Variants in EIF3B observed in about 807,000 individuals in gnomAD.
EIF3B encodes the protein eukaryotic translation initiation factor 3 subunit 9.
Under a neutral mutation model 104.6 loss-of-function variants are expected in EIF3B, and 10 were observed. The ratio of observed to expected loss-of-function variants is 0.10; its 90% CI spans 0.06 to 0.16. The LOEUF (loss-of-function observed/expected upper bound fraction) is 0.16, where lower values mean the gene tolerates loss of function less well. Ranked by LOEUF, EIF3B falls within the 10% of genes least tolerant of loss-of-function variation. The pLI is 1.00. For missense variants in EIF3B, 1,014 were observed against 1,087.9 expected (o/e 0.93, Z 0.96); for synonymous variants, 542 against 417.2 (o/e 1.30, Z -3.65).
At chr7:2,374,445 G>T in intron 12 of EIF3B, 83 bp from the exon 13 acceptor site, 2 of 1,383,446 alleles carry the variant, frequency 1.4e-6, no homozygotes, top group African/African-American at 1.4e-5. Context: ...GGCAGCATGA[G>T]CACGGCCAAG....
Position 2,355,128 on chromosome 7 carries a change from G to A in EIF3B, c.207G>A (p.Glu69=). The change falls in exon 1 of 19, where the codon GAG becomes GAA. Residue 69 remains glutamate (E), a synonymous_variant. Transcript: ENST00000360876. ...GGCCGGAGTCCGAGGTGAGGACCGA[G>A]CCGGCGGCCGAGGCAGAGGCGGCCT... ...EAGPESEVRT[E]PAAEAEAASG... is the part of the protein sequence containing the mutation. 1 of 1,404,318 alleles carries A rather than the reference G, an allele frequency of 7.1e-7. No individual in the cohort carries two copies. The highest frequency in any genetic ancestry group is 9.2e-7 in the Non-Finnish European group (1 of 1,088,644). The allele number at this position is 1,404,318 out of a possible 1,614,324, so 87.0% of individuals were successfully genotyped here.
chr7:2,365,935 C>T (rs1397262196), intron 6 of EIF3B, among the ~76,000 whole-genome samples: 3 of 152,184 alleles, frequency 2.0e-5, no homozygotes, highest in Admixed American at 1.3e-4. Context: ...ATCCACCCAC[C>T]TCGGCCTCCC....
At chr7:2,367,079 G>A (rs1394939230) in intron 9 of EIF3B, 34 bp downstream of exon 9, 2 of 1,437,998 alleles carry the variant, frequency 1.4e-6, no homozygotes, top group Non-Finnish European at 1.9e-6. Context: ...GTCTTAGTGT[G>A]TTCAGGCTGC....
intron 2 of EIF3B, among the ~76,000 whole-genome samples, chr7:2,362,276 C>T (rs905588028): frequency 6.6e-6 from 1 of 152,012 alleles, no homozygotes; most frequent in Non-Finnish European, 1.5e-5. Context: ...TTTTTTTAAA[C>T]AGCTTTATTG....
At chr7:2,361,748 A>G (rs1431821673) in intron 2 of EIF3B, among the ~76,000 whole-genome samples, 2 of 151,744 alleles carry the variant, frequency 1.3e-5, no homozygotes, top group African/African-American at 4.8e-5. Flanking sequence ...TCTTGCCTGT[A>G]ATACACAATA....
chr7:2,370,693 G>C (rs900890402), intron 10 of EIF3B, among the ~76,000 whole-genome samples: 1 of 152,006 alleles, frequency 6.6e-6, no homozygotes, highest in Non-Finnish European at 1.5e-5. Context: ...TGGCTCCCCC[G>C]GGGTGGGAGG....
intron 17 of EIF3B, 48 bp downstream of exon 17, chr7:2,379,290 C>T (rs1468867784): frequency 1.6e-5 from 25 of 1,575,090 alleles, no homozygotes; most frequent in Non-Finnish European, 2.2e-5. Context: ...TTACGCTGCC[C>T]CTGGGCCCTG....
chr7:2,370,473 G>A (rs369797049), intron 10 of EIF3B, among the ~76,000 whole-genome samples: 1 of 151,878 alleles, frequency 6.6e-6, no homozygotes, highest in Admixed American at 6.6e-5. Context: ...GAGCCAGACT[G>A]CGTCTCACAA....
At chr7:2,375,912 A>G (rs914507113) in intron 14 of EIF3B, 1 of 188,914 alleles carries the variant, frequency 5.3e-6, no homozygotes. Context: ...CACAACTCGT[A>G]TTCCAAAACT....
intron 9 of EIF3B, 151 bp downstream of exon 9, chr7:2,367,196 C>T: frequency 4.2e-6 from 3 of 709,662 alleles, no homozygotes; most frequent in Non-Finnish European, 6.8e-6. Flanking sequence ...AGCTTGAGGT[C>T]AGGGTGCCTG....
chr7:2,363,552 A>G (rs569480772), intron 4 of EIF3B, 80 bp from the exon 5 acceptor site: 2 of 1,327,184 alleles, frequency 1.5e-6, no homozygotes, highest in African/African-American at 1.5e-5. Flanking sequence ...TGAACTTGTC[A>G]TATCTTTAAG....
intron 6 of EIF3B, among the ~76,000 whole-genome samples, chr7:2,365,754 C>T (rs575465743): frequency 6.6e-6 from 1 of 150,416 alleles, no homozygotes; most frequent in Non-Finnish European, 1.5e-5. Flanking sequence ...CAGTTCACTG[C>T]AACCTCCACC....
chr7:2,355,967 C>G (rs548680573), intron 1 of EIF3B, among the ~76,000 whole-genome samples: 39 of 152,180 alleles, frequency 2.6e-4, no homozygotes, highest in African/African-American at 8.9e-4. Flanking sequence ...TTCTTTATCT[C>G]TTGCGCTAAA....
rs779270785 is a variant in EIF3B, at chr7:2,378,710, A to C, written c.2176A>C (p.Lys726Gln). ...QIKQIKKDLKKYSKIFEQKDR... is the reference protein window; with the variant it reads ...QIKQIKKDLKQYSKIFEQKDR... The stretch of plus-strand genomic sequence containing the variant: ...TCAGCAAATTAAAAAGGATCTGAAG[A>C]AATACTCTAAGATCTTTGAACAGAA... The change falls in exon 16 of 19, where the codon AAA (lysine) becomes CAA (glutamine). Residue 726 changes from lysine to glutamine, a missense_variant. Coordinates refer to ENST00000360876, the MANE Select transcript of EIF3B (RefSeq NM_001037283.2). 1.2e-6 allele frequency: 2 copies of C among 1,614,036 alleles called. No individual in the cohort carries two copies. Among genetic ancestry groups the C allele is most frequent in the South Asian group, 2.2e-5 (2 of 91,086 alleles).
At chr7:2,355,441 GC>G in intron 1 of EIF3B, 21 bp downstream of exon 1, 3 of 1,424,570 alleles carry the variant, frequency 2.1e-6, no homozygotes, top group Non-Finnish European at 2.8e-6. Flanking sequence ...CCGGGGCGGG[GC>G]TGGCGAGCGG....
chr7:2,365,456 C>T (rs1023013477), intron 6 of EIF3B, among the ~76,000 whole-genome samples: 1 of 152,116 alleles, frequency 6.6e-6, no homozygotes, highest in African/African-American at 2.4e-5. Flanking sequence ...TCTGTTTTCG[C>T]CCTCATGGGT....
At chr7:2,378,823 G>C in intron 16 of EIF3B, 57 bp downstream of exon 16, 1 of 1,445,732 alleles carries the variant, frequency 6.9e-7, no homozygotes, top group Non-Finnish European at 9.7e-7. Flanking sequence ...CATGGCAAAG[G>C]CGGGGCTGCG....
intron 1 of EIF3B, 95 bp downstream of exon 1, chr7:2,355,515 G>C (rs1249059219): frequency 7.2e-7 from 1 of 1,385,236 alleles, no homozygotes; most frequent in East Asian, 2.9e-5. Flanking sequence ...ACCGGTTCGT[G>C]CAGAAGTTCC....
In EIF3B at chr7:2,372,663, T is replaced by G. The variant is rs1780418758; in HGVS notation, c.1688-10T>G. 2 of 1,613,564 alleles carry G rather than the reference T, an allele frequency of 1.2e-6. No homozygotes were observed. Among genetic ancestry groups the G allele is most frequent in the Non-Finnish European group, 1.7e-6 (2 of 1,179,578 alleles). On this transcript the variant is annotated splice_polypyrimidine_tract_variant and intron_variant, in intron 11 of 18. Coordinates refer to ENST00000360876, the MANE Select transcript of EIF3B (RefSeq NM_001037283.2). ...ACCAAAAAGGGAGGGGTCTGTTTTG[T>G]GCATTTTAGAAACCATCATAGCCTT...
Sources: gnomAD v4.1 joint callset for allele counts (sites outside exome capture counted in the v4.1 genomes callset) on GRCh38, gnomAD v4.1.1 for gene constraint, MANE v1.5 for transcripts, NCBI Gene and HGNC (gene_info 2026-07-23, HGNC 2026-07-21) for gene names.